ARSB: variants seen among roughly 807,000 people sequenced by gnomAD.
ARSB encodes the protein arylsulfatase B, also known as N-acetylgalactosamine-4-sulfatase.
ARSB carries 41 observed loss-of-function variants against 50.9 expected under a neutral mutation model. That is an observed-to-expected ratio of 0.81 (90% confidence interval 0.63 to 1.04). The LOEUF is 1.04. Among genes scored for constraint, ARSB ranks in the 50% least tolerant of loss-of-function variants. The pLI, the probability that ARSB is intolerant of heterozygous loss-of-function variation, is 0.00. For missense variants in ARSB, 672 were observed against 693.3 expected (o/e 0.97, Z 0.35); for synonymous variants, 269 against 284.8 (o/e 0.94, Z 0.56).
At chr5:78,976,421 G>T in intron 1 of ARSB, among the ~76,000 whole-genome samples, 1 of 150,948 alleles carries the variant, frequency 6.6e-6, no homozygotes, top group African/African-American at 2.4e-5. Flanking sequence ...CCTGCCCCCG[G>T]GTCTCAACCT....
chr5:78,830,238 G>GA (rs924493944), intron 6 of ARSB, among the ~76,000 whole-genome samples: 35 of 150,266 alleles, frequency 2.3e-4, no homozygotes, highest in Admixed American at 2.7e-4. Flanking sequence ...TAACCCTGGG[G>GA]AAAAAAAAAC....
intron 2 of ARSB, among the ~76,000 whole-genome samples, chr5:78,965,330 T>C (rs1218600909): frequency 3.9e-5 from 6 of 152,136 alleles, no homozygotes; most frequent in African/African-American, 1.4e-4. Flanking sequence ...TTTTCTATAT[T>C]TTAAAATATT....
rs1184587530 is a variant in ARSB at position 78,777,640 on chromosome 5, G to A, written c.*2757C>T. 6.6e-6 allele frequency: 1 copy of A among 152,412 alleles called. No homozygotes were observed. Among genetic ancestry groups the A allele is most frequent in the African/African-American group, 2.4e-5 (1 of 41,346 alleles). 9.4% of individuals were successfully genotyped at this position (152,412 alleles called of 1,614,324 possible). A position where few individuals can be genotyped will look rare whatever the true frequency, so the allele number is the denominator to read the frequency against. ...AGCTGAAGTGGGTGGATCACTTGAGGTCAGGAGTTTGAGACCAGCCTGGCC... is the reference window on the plus strand; with the variant it reads ...AGCTGAAGTGGGTGGATCACTTGAGATCAGGAGTTTGAGACCAGCCTGGCC... On this transcript the variant is annotated 3_prime_UTR_variant, in exon 8 of 8. Transcript: ENST00000264914.
chr5:78,908,152 C>T (rs1749148867), intron 4 of ARSB, among the ~76,000 whole-genome samples: 1 of 152,246 alleles, frequency 6.6e-6, no homozygotes, highest in Middle Eastern at 3.4e-3. Context: ...CGTTATTGCT[C>T]ACCTGGCCCA....
intron 1 of ARSB, among the ~76,000 whole-genome samples, chr5:78,977,826 C>T (rs1380733077): frequency 1.3e-5 from 2 of 152,166 alleles, no homozygotes; most frequent in Non-Finnish European, 2.9e-5. Context: ...ATTATACACA[C>T]ACACACAATT....
At chr5:78,863,066 C>T (rs1322739516) in intron 5 of ARSB, among the ~76,000 whole-genome samples, 2 of 152,178 alleles carry the variant, frequency 1.3e-5, no homozygotes, top group African/African-American at 4.8e-5. Flanking sequence ...GATACTATCT[C>T]ACATTAGTTA....
intron 4 of ARSB, among the ~76,000 whole-genome samples, chr5:78,899,285 G>GGAGT (rs1358629331): frequency 1.3e-5 from 2 of 152,028 alleles, no homozygotes; most frequent in African/African-American, 4.8e-5. Context: ...TCTATGCCTT[G>GGAGT]GAGTAGTCTT....
At position 78,964,494 on chromosome 5, in the gene ARSB, T is replaced by C; in HGVS notation, c.612A>G (p.Thr204=). The C allele has an allele frequency of 6.2e-7, 1 of 1,614,116 alleles. No individual in the cohort carries two copies. The highest frequency in any genetic ancestry group is 1.3e-5 in the African/African-American group (1 of 75,068). ...TTGTTGAATACATATTTTTATATCC[T>C]GTTGCAACTTCTTCGCCATCTCGAA... is the stretch of plus-strand genomic sequence containing the variant. ...LDFRDGEEVA[T]GYKNMYSTNI... The change falls in exon 3 of 8, where the codon ACA becomes ACG. Residue 204 remains threonine (T), a synonymous_variant. Transcript: ENST00000264914.
At chr5:78,792,317 T>A (rs1742980402) in intron 6 of ARSB, among the ~76,000 whole-genome samples, 1 of 150,018 alleles carries the variant, frequency 6.7e-6, no homozygotes, top group Non-Finnish European at 1.5e-5. Context: ...AGGTGGAGGT[T>A]GCAGCGAGCC....
chr5:78,980,011 T>C (rs566679679), intron 1 of ARSB, among the ~76,000 whole-genome samples: 1 of 152,314 alleles, frequency 6.6e-6, no homozygotes, highest in Admixed American at 6.5e-5. Context: ...AGGACATCTA[T>C]TGTATTCCAT....
At chr5:78,849,802 T>C (rs1052624716) in intron 5 of ARSB, among the ~76,000 whole-genome samples, 1 of 146,830 alleles carries the variant, frequency 6.8e-6, no homozygotes, top group Admixed American at 6.9e-5. Flanking sequence ...GATTCCTAGG[T>C]ATTTTATTCT....
At chr5:78,860,390 C>G (rs1007225007) in intron 5 of ARSB, among the ~76,000 whole-genome samples, 1 of 152,126 alleles carries the variant, frequency 6.6e-6, no homozygotes, top group African/African-American at 2.4e-5. Flanking sequence ...TGTAATAGAA[C>G]AGAAATTATA....
chr5:78,951,125 T>C lies in ARSB; in HGVS notation c.898+4170A>G, dbSNP rs374446713. Among the ~76,000 whole-genome samples the C allele has an allele frequency of 1.4e-4, 22 of 152,256 alleles. No individual in the cohort carries two copies. In the East Asian group the frequency reaches 4.1e-3, roughly 28 times the overall value. ...TTCTTTAAGCGGCTCACACTGATAA[T>C]CCTAGCATTTTGGGAGTCTGAGGTG... On this transcript the variant is annotated intron_variant, in intron 4 of 7. Coordinates refer to ENST00000264914, the MANE Select transcript of ARSB (RefSeq NM_000046.5).
At chr5:78,914,421 G>C (rs1456106222) in intron 4 of ARSB, among the ~76,000 whole-genome samples, 1 of 152,124 alleles carries the variant, frequency 6.6e-6, no homozygotes. Flanking sequence ...AAGTTAGAAA[G>C]TATTATTTTA....
At chr5:78,796,879 C>CTATTTT (rs1743200554) in intron 6 of ARSB, among the ~76,000 whole-genome samples, 1 of 126,382 alleles carries the variant, frequency 7.9e-6, no homozygotes, top group African/African-American at 3.2e-5. Flanking sequence ...GTCTCGATCT[C>CTATTTT]TTTTTTTTTT....
At chr5:78,954,105 A>G (rs2547906) in intron 4 of ARSB, among the ~76,000 whole-genome samples, 71,216 of 150,588 alleles carry the variant, frequency 0.47, 16,760 homozygotes, top group African/African-American at 0.56. Flanking sequence ...CAGGAGAGGG[A>G]AAAAAAAAAC....
chr5:78,979,791 C>T (rs1407614613), intron 1 of ARSB, among the ~76,000 whole-genome samples: 1 of 152,194 alleles, frequency 6.6e-6, no homozygotes, highest in Non-Finnish European at 1.5e-5. Context: ...GCGTTTCACT[C>T]CTACATATTA....
At chr5:78,804,746 G>A (rs1254620123) in intron 6 of ARSB, among the ~76,000 whole-genome samples, 1 of 152,152 alleles carries the variant, frequency 6.6e-6, no homozygotes, top group East Asian at 1.9e-4. Flanking sequence ...AGTATGGTTG[G>A]CTGCAGTCAT....
At chr5:78,916,773 G>T (rs1463244199) in intron 4 of ARSB, among the ~76,000 whole-genome samples, 1 of 152,132 alleles carries the variant, frequency 6.6e-6, no homozygotes, top group African/African-American at 2.4e-5. Flanking sequence ...ATTCATTCTT[G>T]GGGGGATCTT....
Sources: gnomAD v4.1 joint callset for allele counts (sites outside exome capture counted in the v4.1 genomes callset) on GRCh38, gnomAD v4.1.1 for gene constraint, MANE v1.5 for transcripts, NCBI Gene and HGNC (gene_info 2026-07-23, HGNC 2026-07-21) for gene names.